The following WWOX variants were observed in gnomAD, a reference collection of about 807,000 sequenced individuals.
The protein encoded by WWOX is WW domain containing oxidoreductase, also known as WW domain-containing oxidoreductase.
WWOX carries 69 observed loss-of-function variants against 46.2 expected under a neutral mutation model. The observed-to-expected ratio is 1.49, with a 90% CI of 1.23 to 1.82. The LOEUF (loss-of-function observed/expected upper bound fraction) is 1.82, where lower values mean the gene tolerates loss of function less well. Ranked by LOEUF, WWOX falls within the 40% of genes most tolerant of loss-of-function variation. The pLI is 0.00. For synonymous variants in WWOX, 359 were observed against 202.6 expected, an observed-to-expected ratio of 1.77 and a Z score of -6.56; for missense variants, 919 against 542.6, an observed-to-expected ratio of 1.69 and a Z score of -6.89.
chr16:78,284,573 G>A (rs2079736731), intron 5 of WWOX, among the ~76,000 whole-genome samples: 1 of 152,152 alleles, frequency 6.6e-6, no homozygotes, highest in Non-Finnish European at 1.5e-5. Flanking sequence ...CTTGGACACA[G>A]TCTCATCTTT....
chr16:78,634,500 G>A (rs1396306712), intron 8 of WWOX, among the ~76,000 whole-genome samples: 1 of 152,066 alleles, frequency 6.6e-6, no homozygotes, highest in Non-Finnish European at 1.5e-5. Context: ...AAGGTCAGGA[G>A]TTCGAGACCA....
chr16:78,410,020 G>A (rs1378375820), intron 6 of WWOX, among the ~76,000 whole-genome samples: 1 of 152,186 alleles, frequency 6.6e-6, no homozygotes, highest in Non-Finnish European at 1.5e-5. Context: ...TGTGCTGGGA[G>A]GTATTTGGAT....
At chr16:79,139,151 T>C (rs1389793305) in intron 8 of WWOX, among the ~76,000 whole-genome samples, 5 of 152,164 alleles carry the variant, frequency 3.3e-5, no homozygotes, top group Non-Finnish European at 7.3e-5. Context: ...CTCATAATAA[T>C]AGTTCAAAAT....
chr16:78,979,423 C>T (rs1412139918), intron 8 of WWOX, among the ~76,000 whole-genome samples: 4 of 152,148 alleles, frequency 2.6e-5, no homozygotes, highest in Non-Finnish European at 4.4e-5. Flanking sequence ...ATGTCTGTCT[C>T]GGAATACGTA....
chr16:78,775,693 C>T (rs904014889), intron 8 of WWOX, among the ~76,000 whole-genome samples: 2 of 152,164 alleles, frequency 1.3e-5, no homozygotes, highest in Non-Finnish European at 2.9e-5. Context: ...AGCAATGGTT[C>T]ACATAGGGGA....
At chr16:78,292,156 T>C (rs1401190039) in intron 5 of WWOX, among the ~76,000 whole-genome samples, 1 of 151,970 alleles carries the variant, frequency 6.6e-6, no homozygotes, top group Non-Finnish European at 1.5e-5. Flanking sequence ...CCTCAGGTTT[T>C]TTTACAGAAA....
At chr16:78,370,664 C>G (rs780932458) in intron 5 of WWOX, among the ~76,000 whole-genome samples, 2 of 151,796 alleles carry the variant, frequency 1.3e-5, no homozygotes, top group Non-Finnish European at 2.9e-5. Context: ...GGAGAAACAT[C>G]TAAGTTTCCA....
At chr16:78,522,434 G>A (rs78131991) in intron 8 of WWOX, among the ~76,000 whole-genome samples, 361 of 152,278 alleles carry the variant, frequency 2.4e-3, no homozygotes, top group African/African-American at 8.4e-3. Flanking sequence ...TTGCACAGTA[G>A]TCACTCATCC....
intron 8 of WWOX, among the ~76,000 whole-genome samples, chr16:79,140,956 C>T (rs778746184): frequency 1.3e-5 from 2 of 152,090 alleles, no homozygotes; most frequent in East Asian, 1.9e-4. Context: ...TGACTTTCAA[C>T]AGGAGGAAAT....
At chr16:78,849,468 G>A (rs2052385348) in intron 8 of WWOX, among the ~76,000 whole-genome samples, 1 of 151,536 alleles carries the variant, frequency 6.6e-6, no homozygotes, top group South Asian at 2.1e-4. Context: ...CAGCTACTGG[G>A]GAGGCTGAGG....
chr16:78,693,797 G>A (rs2048041289), intron 8 of WWOX, among the ~76,000 whole-genome samples: 2 of 152,114 alleles, frequency 1.3e-5, no homozygotes, highest in South Asian at 4.2e-4. Context: ...TGATCTAGGG[G>A]AAGATGTGAT....
rs566414972 is a variant in WWOX, at chr16:78,800,713, AGAATGAGG to A, written c.1056+367966_1056+367973del. 1.1e-4 allele frequency among the ~76,000 whole-genome samples: 17 copies of A among 152,322 alleles called. 1 individual carries two copies. The East Asian group carries it at 3.3e-3, about 29-fold the overall frequency. ...GGTTCCTGACTTCAGGCCTCTTTTCAGAATGAGGGAATTGTCTAAAATCCCAAATGCAT... is the reference window on the plus strand; with the variant it reads ...GGTTCCTGACTTCAGGCCTCTTTTCAGAATTGTCTAAAATCCCAAATGCAT... On this transcript the variant is annotated intron_variant, in intron 8 of 8. Transcript: ENST00000566780.
chr16:78,905,875 C>T (rs907164603), intron 8 of WWOX, among the ~76,000 whole-genome samples: 1 of 152,192 alleles, frequency 6.6e-6, no homozygotes, highest in Non-Finnish European at 1.5e-5. Flanking sequence ...CAAAACGTGG[C>T]CCAAAGTCAT....
chr16:79,085,895 C>G (rs892307906), intron 8 of WWOX, among the ~76,000 whole-genome samples: 4 of 151,804 alleles, frequency 2.6e-5, no homozygotes, highest in African/African-American at 7.3e-5. Flanking sequence ...AAAATAAAAA[C>G]AAAAAAATTA....
intron 8 of WWOX, among the ~76,000 whole-genome samples, chr16:78,681,988 C>T (rs755513121): frequency 2.2e-4 from 34 of 152,262 alleles, no homozygotes; most frequent in African/African-American, 7.9e-4. Context: ...AGCTCTCAGA[C>T]CACAGTTGGA....
intron 5 of WWOX, among the ~76,000 whole-genome samples, chr16:78,303,251 CA>C (rs2080074201): frequency 6.6e-6 from 1 of 152,032 alleles, no homozygotes; most frequent in African/African-American, 2.4e-5. Flanking sequence ...TTCTGATAGA[CA>C]AAGTAAAGTA....
intron 8 of WWOX, among the ~76,000 whole-genome samples, chr16:78,757,976 C>T (rs1030100639): frequency 6.6e-6 from 1 of 152,128 alleles, no homozygotes; most frequent in African/African-American, 2.4e-5. Context: ...TTCCACAACA[C>T]TGACCTTCTA....
chr16:78,595,905 A>T (rs188026821), intron 8 of WWOX, among the ~76,000 whole-genome samples: 1 of 152,238 alleles, frequency 6.6e-6, no homozygotes, highest in Non-Finnish European at 1.5e-5. Context: ...GCTATCTAAA[A>T]TATCAATTAA....
At chr16:78,611,964 C>T (rs780966825) in intron 8 of WWOX, among the ~76,000 whole-genome samples, 1 of 152,180 alleles carries the variant, frequency 6.6e-6, no homozygotes, top group Non-Finnish European at 1.5e-5. Flanking sequence ...ACAGAACAGC[C>T]ATACAGCCTA....
Sources: allele counts gnomAD v4.1 joint callset (sites outside exome capture counted in the v4.1 genomes callset), GRCh38; gene constraint gnomAD v4.1.1; transcripts MANE v1.5; gene names NCBI Gene and HGNC (gene_info 2026-07-23, HGNC 2026-07-21).